The following DSCC1 variants were observed in gnomAD, a reference collection of about 807,000 sequenced individuals.
DSCC1 encodes sister chromatid cohesion protein DCC1.
DSCC1 carries 32 observed loss-of-function variants against 48.2 expected under a neutral mutation model. That is an observed-to-expected ratio of 0.66 (90% confidence interval 0.50 to 0.89). DSCC1 has a LOEUF of 0.89. Among genes scored for constraint, DSCC1 ranks in the 40% least tolerant of loss-of-function variants. The probability of loss-of-function intolerance (pLI) is 0.00; values close to 1 mark genes in which losing one functional copy is unlikely to be tolerated. For synonymous variants in DSCC1, 150 were observed against 171.5 expected (o/e 0.87, Z 0.98); for missense variants, 421 against 471.7 (o/e 0.89, Z 1.00).
intron 5 of DSCC1, among the ~76,000 whole-genome samples, chr8:119,843,279 G>A (rs1826801724): frequency 2.0e-5 from 3 of 151,904 alleles, no homozygotes; most frequent in Admixed American, 2.0e-4. Context: ...TAGTAGAGAC[G>A]GGGTTTCACC....
In DSCC1 at chr8:119,834,786, TAGA is replaced by T; in HGVS notation, c.*104_*106del. The T allele has an allele frequency of 1.3e-6, 1 of 743,922 alleles. No homozygotes were observed. The allele number at this position is 743,922 out of a possible 1,614,324, so 46.1% of individuals were successfully genotyped here. On this transcript the variant is annotated 3_prime_UTR_variant, in exon 9 of 9. Coordinates refer to ENST00000313655, the MANE Select transcript of DSCC1 (RefSeq NM_024094.3). ...GCTTAAGATGAGGAGAAAAATGCCTTAGAAGACTAGGTTTCTAAAAGTCAGAAA... is the reference window on the plus strand; with the variant it reads ...GCTTAAGATGAGGAGAAAAATGCCTTAGACTAGGTTTCTAAAAGTCAGAAA...
chr8:119,852,890 T>C, intron 2 of DSCC1, 157 bp downstream of exon 2: 1 of 587,862 alleles, frequency 1.7e-6, no homozygotes, highest in Non-Finnish European at 2.6e-6. Flanking sequence ...CAAGCAATAA[T>C]AATAATAATA....
chr8:119,855,838 C>A lies in DSCC1; in HGVS notation c.-43G>T. ...GAGTCCCGCCGCGCCCGGGTGGCTG[C>A]GGGCTTGGCGGGCAAGAAAGAAGTT... On this transcript the variant is annotated 5_prime_UTR_variant, in exon 1 of 9. Transcript: ENST00000313655. 1 of 1,413,396 alleles carries A rather than the reference C, an allele frequency of 7.1e-7. No homozygotes were observed. The highest frequency in any genetic ancestry group is 9.2e-7 in the Non-Finnish European group (1 of 1,083,282). The allele number at this position is 1,413,396 out of a possible 1,614,324, so 87.6% of individuals were successfully genotyped here.
chr8:119,845,746 C>T (rs2131303012), intron 4 of DSCC1, among the ~76,000 whole-genome samples: 1 of 152,082 alleles, frequency 6.6e-6, no homozygotes, highest in Non-Finnish European at 1.5e-5. Flanking sequence ...CTGAGAGGTT[C>T]AAGACCAGCC....
chr8:119,847,214 CAT>C, intron 3 of DSCC1, 134 bp from the exon 4 acceptor site: 3 of 682,022 alleles, frequency 4.4e-6, no homozygotes, highest in Non-Finnish European at 7.3e-6. Context: ...CTTTTGTTAA[CAT>C]GTAATGATTT....
Position 119,849,315 on chromosome 8 carries a change from A to T in DSCC1, c.486+1067T>A, listed in dbSNP as rs367871126. ...CAGCTATTCGGGAGGCTGAGGCAGG[A>T]GAATCACTTGAACCCAGGAGGCAGA... On this transcript the variant is annotated intron_variant, in intron 3 of 8. Coordinates refer to ENST00000313655, the MANE Select transcript of DSCC1 (RefSeq NM_024094.3). Among the ~76,000 whole-genome samples the T allele has an allele frequency of 3.3e-3, 508 of 152,196 alleles. 1 individual carries two copies. Among genetic ancestry groups the T allele is most frequent in the South Asian group, 0.022 (106 of 4,810 alleles).
intron 2 of DSCC1, chr8:119,852,825 G>T: frequency 2.5e-6 from 1 of 399,210 alleles, no homozygotes; most frequent in Non-Finnish European, 4.3e-6. Context: ...AGATCAAATT[G>T]GGACTTGAAA....
At position 119,838,424 on chromosome 8, in the gene DSCC1, G is replaced by A; in HGVS notation, c.925-17C>T. On this transcript the variant is annotated splice_polypyrimidine_tract_variant and intron_variant, in intron 7 of 8. Transcript: ENST00000313655. ...CGCTAAACCCTACAAGAAATGAGAA[G>A]AAACAGAGCAGTTAAAGTAATGTTG... 1.3e-6 allele frequency: 2 copies of A among 1,538,010 alleles called. No homozygotes were observed. Among genetic ancestry groups the A allele is most frequent in the South Asian group, 1.3e-5 (1 of 76,614 alleles).
At chr8:119,843,498 A>C in intron 5 of DSCC1, 111 bp downstream of exon 5, 1 of 1,403,832 alleles carries the variant, frequency 7.1e-7, no homozygotes, top group Non-Finnish European at 9.6e-7. Flanking sequence ...CATTTCTCAA[A>C]GATATCAAAA....
chr8:119,847,215 A>G, intron 3 of DSCC1, 135 bp from the exon 4 acceptor site: 2 of 678,968 alleles, frequency 2.9e-6, no homozygotes, highest in Non-Finnish European at 4.9e-6. Context: ...TTTTGTTAAC[A>G]TGTAATGATT....
At position 119,853,181 on chromosome 8, in the gene DSCC1, C is replaced by G. The variant is rs1165913629; in HGVS notation, c.217G>C (p.Val73Leu). The G allele has an allele frequency of 3.1e-6, 5 of 1,612,918 alleles. No individual in the cohort carries two copies. The highest frequency in any genetic ancestry group is 3.4e-6 in the Non-Finnish European group (4 of 1,179,294). The part of the protein sequence containing the change: ...VIRGDKDEQA[V>L]LCSKDKTYDL... ...TATGTTTTGTCTTTACTGCACAGCA[C>G]AGCTTGCTCGTCTTTATCACCACGA... Residue 73 changes from valine to leucine, a missense_variant, in exon 2 of 9, where the codon GTG (valine) becomes CTG (leucine). By Grantham distance (32) the Val-to-Leu change is conservative. This residue lies in a region of DSCC1 where 174 missense variants were observed against 184.5 expected (regional missense o/e 0.94). Coordinates refer to ENST00000313655, the MANE Select transcript of DSCC1 (RefSeq NM_024094.3).
intron 8 of DSCC1, among the ~76,000 whole-genome samples, chr8:119,837,742 TAAG>T (rs987149111): frequency 3.4e-4 from 51 of 152,072 alleles, no homozygotes; most frequent in African/African-American, 1.2e-3. Flanking sequence ...CAGTAAGAGC[TAAG>T]AAGGCCAGCC....
intron 1 of DSCC1, among the ~76,000 whole-genome samples, 173 bp from the exon 2 acceptor site, chr8:119,853,388 G>A (rs554146807): frequency 6.6e-6 from 1 of 152,060 alleles, no homozygotes; most frequent in African/African-American, 2.4e-5. Context: ...TGGGCCAACT[G>A]AGAGCCACAC....
Position 119,855,462 on chromosome 8 carries a change from G to A in DSCC1, c.182+152C>T, listed in dbSNP as rs148606000. 3,462 of 1,061,142 alleles carry A rather than the reference G, an allele frequency of 3.3e-3. 74 individuals are homozygous for A. The African/African-American group carries it at 0.05, about 15-fold the overall frequency. The allele number at this position is 1,061,142 out of a possible 1,614,324, so 65.7% of individuals were successfully genotyped here. On this transcript the variant is annotated intron_variant, in intron 1 of 8. Transcript: ENST00000313655. The stretch of plus-strand genomic sequence containing the variant: ...GTGCAGCTAACTGGACGGCCCACCG[G>A]AGGCGTGGACTCCTCGGGAACAGGC...
intron 8 of DSCC1, among the ~76,000 whole-genome samples, chr8:119,837,395 G>A (rs542788164): frequency 6.6e-6 from 1 of 152,266 alleles, no homozygotes; most frequent in South Asian, 2.1e-4. Flanking sequence ...TTGGCAGTGG[G>A]AAAGAAGGTT....
intron 1 of DSCC1, 77 bp from the exon 2 acceptor site, chr8:119,853,292 C>T: frequency 2.1e-6 from 3 of 1,435,824 alleles, no homozygotes; most frequent in Non-Finnish European, 2.8e-6. Context: ...GTTCTCAAAC[C>T]CTCTAGGCTT....
intron 3 of DSCC1, 62 bp from the exon 4 acceptor site, chr8:119,847,142 T>A: frequency 1.4e-6 from 2 of 1,414,298 alleles, no homozygotes; most frequent in Non-Finnish European, 2.0e-6. Context: ...GATTTCTTGC[T>A]GAATATTGAG....
Position 119,843,625 on chromosome 8 carries a change from C to T in DSCC1, c.700G>A (p.Gly234Arg), listed in dbSNP as rs777632273. 9.9e-6 allele frequency: 16 copies of T among 1,611,656 alleles called. No homozygotes were observed. Among genetic ancestry groups the T allele is most frequent in the Middle Eastern group, 1.6e-4 (1 of 6,066 alleles). The change falls in exon 5 of 9, where the codon GGA becomes AGA. Residue 234 changes from glycine to arginine, a missense_variant. Gly to Arg is a moderately radical substitution (Grantham distance 125). Coordinates refer to ENST00000313655, the MANE Select transcript of DSCC1 (RefSeq NM_024094.3). ...AATACTTACTCTGGCTCCAATGGTC[C>T]GAGTTCCTGAAGGCATGTGTTCAAA... ...VPLNTCLQELGPLEPEEMIEH... is the reference protein window; with the variant it reads ...VPLNTCLQELRPLEPEEMIEH...
At position 119,841,800 on chromosome 8, in the gene DSCC1, C is replaced by G. The variant is rs751474953; in HGVS notation, c.918G>C (p.Gln306His). The G allele has an allele frequency of 1.1e-5, 17 of 1,613,718 alleles. No homozygotes were observed. Among genetic ancestry groups the G allele is most frequent in the Non-Finnish European group, 1.4e-5 (17 of 1,179,896 alleles). The stretch of plus-strand genomic sequence containing the variant: ...CAATGTCTATTGCTATTACCTTAAG[C>G]TGATCAAGACTAGTTACCATTCCTT... ...VPEGMVTSLD[Q>H]LKGLALVDRH... The change falls in exon 7 of 9, where the codon CAG (glutamine) becomes CAC (histidine). Residue 306 changes from glutamine to histidine, a missense_variant. By Grantham distance (24) the Gln-to-His change is conservative. This residue lies in a region of DSCC1 where 238 missense variants were observed against 259.0 expected (regional missense o/e 0.92). Transcript: ENST00000313655.
Sources: gnomAD v4.1 joint callset for allele counts (sites outside exome capture counted in the v4.1 genomes callset) on GRCh38, gnomAD v4.1.1 for gene constraint, gnomAD v4.1.1 regional missense constraint, MANE v1.5 for transcripts, NCBI Gene and HGNC (gene_info 2026-07-23, HGNC 2026-07-21) for gene names.